The following RAB2A variants were observed in gnomAD, a reference collection of about 807,000 sequenced individuals.
RAB2A encodes ras-related protein Rab-2A.
A neutral mutation model predicts 32.5 loss-of-function variants in RAB2A; 7 were observed. That is an observed-to-expected ratio of 0.22 (90% CI 0.12 to 0.40). RAB2A has a LOEUF of 0.40. Ranked by LOEUF, RAB2A falls within the 10% of genes least tolerant of loss-of-function variation. RAB2A has a pLI of 1.00. For missense variants in RAB2A, 108 were observed against 260.7 expected (o/e 0.41, Z 4.03); for synonymous variants, 79 against 85.2 (o/e 0.93, Z 0.40).
intron 6 of RAB2A, among the ~76,000 whole-genome samples, chr8:60,595,227 C>G (rs1245177505): frequency 6.6e-6 from 1 of 152,112 alleles, no homozygotes; most frequent in Non-Finnish European, 1.5e-5. Flanking sequence ...TTCTTCAAGT[C>G]TTGCAAATTA....
chr8:60,595,036 G>T (rs142405843), intron 6 of RAB2A, among the ~76,000 whole-genome samples: 6 of 152,256 alleles, frequency 3.9e-5, no homozygotes, highest in African/African-American at 1.4e-4. Flanking sequence ...CAATGAAGGT[G>T]CAATCAAGAC....
At chr8:60,600,508 C>G (rs548895110) in intron 6 of RAB2A, among the ~76,000 whole-genome samples, 1 of 152,316 alleles carries the variant, frequency 6.6e-6, no homozygotes, top group Admixed American at 6.5e-5. Context: ...TTTCTTTAAA[C>G]ACTAAACATG....
intron 1 of RAB2A, among the ~76,000 whole-genome samples, chr8:60,547,360 A>C (rs1040880141): frequency 6.6e-6 from 1 of 152,200 alleles, no homozygotes; most frequent in African/African-American, 2.4e-5. Flanking sequence ...CCCCCTTTCT[A>C]TTCCACAAAA....
rs759231678 is a variant in RAB2A, at chr8:60,584,279, C to T, written c.258C>T (p.Tyr86=). ...GTGCAGCAGGAGCTTTACTAGTTTA[C>T]GATATTACACGGTGAGAACTTGAAA... The part of the protein sequence containing the change: ...YRGAAGALLV[Y]DITRRDTFNH... Residue 86 remains tyrosine, a synonymous_variant, in exon 4 of 8, where the codon TAC becomes TAT. Transcript: ENST00000262646. The T allele has an allele frequency of 4.4e-6, 7 of 1,596,310 alleles. No homozygotes were observed. The highest frequency in any genetic ancestry group is 2.7e-5 in the African/African-American group (2 of 74,588).
intron 1 of RAB2A, among the ~76,000 whole-genome samples, chr8:60,544,214 AT>A (rs1224078005): frequency 2.0e-5 from 3 of 146,752 alleles, no homozygotes; most frequent in African/African-American, 5.1e-5. Flanking sequence ...TAATTTTTAT[AT>A]TTTTAGTAGA....
chr8:60,603,027 T>C (rs1319249951), intron 6 of RAB2A, among the ~76,000 whole-genome samples: 1 of 152,206 alleles, frequency 6.6e-6, no homozygotes, highest in Non-Finnish European at 1.5e-5. Context: ...GCAGGTATTC[T>C]AATGACACAT....
chr8:60,521,897 C>T (rs567770915), intron 1 of RAB2A, among the ~76,000 whole-genome samples: 1 of 152,170 alleles, frequency 6.6e-6, no homozygotes, highest in Non-Finnish European at 1.5e-5. Context: ...GCTGGGATTA[C>T]AGGTGTGAGC....
intron 5 of RAB2A, among the ~76,000 whole-genome samples, chr8:60,590,195 A>C (rs891768096): frequency 6.6e-6 from 1 of 151,962 alleles, no homozygotes; most frequent in Non-Finnish European, 1.5e-5. Context: ...TCCTAACCTG[A>C]GGTGATCCAC....
intron 1 of RAB2A, among the ~76,000 whole-genome samples, chr8:60,538,085 A>G (rs1387000912): frequency 6.6e-6 from 1 of 152,232 alleles, no homozygotes; most frequent in Non-Finnish European, 1.5e-5. Flanking sequence ...GAAGAAAGGA[A>G]TAGGGATGCC....
chr8:60,602,389 TAAC>T (rs879336906), intron 6 of RAB2A, among the ~76,000 whole-genome samples: 1 of 152,202 alleles, frequency 6.6e-6, no homozygotes. Context: ...ATATATAACT[TAAC>T]AGCAATTCCT....
intron 2 of RAB2A, among the ~76,000 whole-genome samples, chr8:60,564,447 C>T (rs371797615): frequency 1.3e-5 from 2 of 152,010 alleles, no homozygotes; most frequent in African/African-American, 4.8e-5. Flanking sequence ...TAATCCTTTT[C>T]TCTCATATTA....
intron 2 of RAB2A, among the ~76,000 whole-genome samples, chr8:60,562,277 A>T (rs1317745144): frequency 6.6e-6 from 1 of 152,216 alleles, no homozygotes; most frequent in African/African-American, 2.4e-5. Context: ...CCACACCAAT[A>T]GGGATTCTTA....
intron 6 of RAB2A, among the ~76,000 whole-genome samples, chr8:60,611,290 C>T (rs773560770): frequency 2.6e-5 from 4 of 152,168 alleles, no homozygotes; most frequent in Non-Finnish European, 4.4e-5. Context: ...GGCCACATCT[C>T]TAACTTTATC....
At chr8:60,582,646 A>G (rs1041431072) in intron 3 of RAB2A, among the ~76,000 whole-genome samples, 1 of 152,082 alleles carries the variant, frequency 6.6e-6, no homozygotes, top group Non-Finnish European at 1.5e-5. Context: ...TCAGCCTCCC[A>G]AGTAGCTGGG....
chr8:60,521,146 G>A (rs1482623643), intron 1 of RAB2A, among the ~76,000 whole-genome samples: 1 of 152,206 alleles, frequency 6.6e-6, no homozygotes, highest in Non-Finnish European at 1.5e-5. Context: ...TTTTTAGTTA[G>A]GAAGGTCTTT....
chr8:60,565,440 A>AAGTAAATG (rs1471800576), intron 2 of RAB2A, among the ~76,000 whole-genome samples: 2 of 151,504 alleles, frequency 1.3e-5, no homozygotes, highest in Non-Finnish European at 2.9e-5. Flanking sequence ...AAAAAGAAAG[A>AAGTAAATG]AGTAAATGAT....
chr8:60,590,811 A>G (rs936195925), intron 5 of RAB2A, among the ~76,000 whole-genome samples: 13 of 151,722 alleles, frequency 8.6e-5, no homozygotes, highest in Admixed American at 7.9e-4. Context: ...CAGTAGCTAC[A>G]TCTGAATTTT....
intron 2 of RAB2A, among the ~76,000 whole-genome samples, chr8:60,561,184 C>G (rs902336921): frequency 2.6e-5 from 4 of 152,140 alleles, no homozygotes; most frequent in Admixed American, 2.0e-4. Context: ...TATACCCCAT[C>G]TCTTCTTTGG....
At chr8:60,608,848 GTTCT>G (rs988613207) in intron 6 of RAB2A, among the ~76,000 whole-genome samples, 90 of 152,196 alleles carry the variant, frequency 5.9e-4, no homozygotes, top group African/African-American at 2.1e-3. Context: ...ATTCTATAGT[GTTCT>G]TTCTCTTACC....
Sources: allele counts gnomAD v4.1 joint callset (sites outside exome capture counted in the v4.1 genomes callset), GRCh38; gene constraint gnomAD v4.1.1; transcripts MANE v1.5; gene names NCBI Gene and HGNC (gene_info 2026-07-23, HGNC 2026-07-21).